Variants in AFF3 observed in about 807,000 individuals in gnomAD.
AFF3 encodes ALF transcription elongation factor 3.
Under a neutral mutation model 129.7 loss-of-function variants are expected in AFF3, and 32 were observed. That is an observed-to-expected ratio of 0.25 (90% CI 0.19 to 0.33). The LOEUF is 0.33. AFF3 is among the 10% of genes least tolerant of loss of function. The probability of loss-of-function intolerance (pLI) is 1.00; values close to 1 mark genes in which losing one functional copy is unlikely to be tolerated. For missense variants in AFF3, 1,373 were observed against 1,592.0 expected, an observed-to-expected ratio of 0.86 and a Z score of 2.34; for synonymous variants, 644 against 635.4, an observed-to-expected ratio of 1.01 and a Z score of -0.20.
intron 7 of AFF3, among the ~76,000 whole-genome samples, chr2:99,978,290 G>A (rs1036359474): frequency 1.3e-5 from 2 of 152,144 alleles, no homozygotes; most frequent in Non-Finnish European, 2.9e-5. Context: ...GTGAGTGCCT[G>A]TTGTAAAGCT....
At chr2:99,926,376 G>T (rs1696240641) in intron 7 of AFF3, among the ~76,000 whole-genome samples, 1 of 152,168 alleles carries the variant, frequency 6.6e-6, no homozygotes, top group Non-Finnish European at 1.5e-5. Context: ...CCTACAGTCA[G>T]GCACTGGTTC....
At chr2:99,867,071 C>G (rs1378522775) in intron 7 of AFF3, among the ~76,000 whole-genome samples, 1 of 150,638 alleles carries the variant, frequency 6.6e-6, no homozygotes, top group African/African-American at 2.4e-5. Flanking sequence ...TATAGGTGGG[C>G]CCTGCCTCAC....
At chr2:99,719,570 T>C (rs1678701396) in intron 11 of AFF3, among the ~76,000 whole-genome samples, 1 of 152,194 alleles carries the variant, frequency 6.6e-6, no homozygotes, top group South Asian at 2.1e-4. Context: ...AAATATATCT[T>C]AAAGTTTTCA....
intron 7 of AFF3, among the ~76,000 whole-genome samples, chr2:99,961,291 A>C (rs1341877498): frequency 6.6e-6 from 1 of 152,166 alleles, no homozygotes; most frequent in African/African-American, 2.4e-5. Context: ...GGCCTCTTTC[A>C]TGTGAAGATC....
At chr2:99,829,477 T>C (rs928830815) in intron 8 of AFF3, among the ~76,000 whole-genome samples, 1 of 152,156 alleles carries the variant, frequency 6.6e-6, no homozygotes, top group African/African-American at 2.4e-5. Flanking sequence ...GCGAAGGATA[T>C]GAACAGACAC....
At chr2:100,062,471 C>A (rs778731585) in intron 4 of AFF3, among the ~76,000 whole-genome samples, 1 of 152,110 alleles carries the variant, frequency 6.6e-6, no homozygotes, top group Non-Finnish European at 1.5e-5. Context: ...AACCAAAAAT[C>A]CCTGGGCAGT....
chr2:99,900,945 C>T (rs1248307597), intron 7 of AFF3, among the ~76,000 whole-genome samples: 1 of 152,212 alleles, frequency 6.6e-6, no homozygotes, highest in Non-Finnish European at 1.5e-5. Context: ...CCTCCTTCTC[C>T]TAAAGAGCCG....
At chr2:99,570,673 G>A (rs557137909) in intron 18 of AFF3, among the ~76,000 whole-genome samples, 4 of 152,210 alleles carry the variant, frequency 2.6e-5, no homozygotes, top group Admixed American at 1.3e-4. Context: ...CAGGGTCTAC[G>A]AGATAAAATC....
intron 7 of AFF3, among the ~76,000 whole-genome samples, chr2:99,914,130 C>T (rs1386718484): frequency 6.6e-6 from 1 of 152,096 alleles, no homozygotes; most frequent in Non-Finnish European, 1.5e-5. Context: ...TTGGCAGATA[C>T]CCTCTTAACC....
rs182771741 is a variant in AFF3, at chr2:100,116,474, A to G, written c.-144-10891T>C. ...TATTTGAGTATACTTTTATTGTCCT[A>G]TGTTCCTTCTCTATTACCTTGGAAC... On this transcript the variant is annotated intron_variant, in intron 2 of 24. Transcript: ENST00000672756. 3.3e-5 allele frequency among the ~76,000 whole-genome samples: 5 copies of G among 152,190 alleles called. No homozygotes were observed. The East Asian group carries it at 7.7e-4, about 24-fold the overall frequency.
intron 4 of AFF3, among the ~76,000 whole-genome samples, chr2:100,096,204 G>A (rs1319498230): frequency 1.3e-5 from 2 of 152,044 alleles, no homozygotes; most frequent in African/African-American, 4.8e-5. Context: ...AAAAGTGTCT[G>A]TAAGACTATA....
chr2:99,692,998 C>T (rs12465743), intron 11 of AFF3, among the ~76,000 whole-genome samples: 1 of 152,252 alleles, frequency 6.6e-6, no homozygotes. Context: ...GCCTCGCCCT[C>T]TGCAGGGCAA....
intron 4 of AFF3, among the ~76,000 whole-genome samples, chr2:100,071,488 AC>A (rs1222450309): frequency 1.3e-5 from 2 of 152,106 alleles, no homozygotes; most frequent in Non-Finnish European, 2.9e-5. Context: ...GATCTGAAAA[AC>A]ACACAAAGCA....
chr2:100,104,717 G>A (rs1339013945), intron 3 of AFF3, 199 bp from the exon 4 acceptor site: 18 of 954,888 alleles, frequency 1.9e-5, no homozygotes, highest in Non-Finnish European at 2.1e-5. Flanking sequence ...CAGCGAGCTC[G>A]CCGCGCCGCC....
intron 12 of AFF3, among the ~76,000 whole-genome samples, chr2:99,660,497 G>A (rs958572653): frequency 6.6e-6 from 1 of 152,182 alleles, no homozygotes; most frequent in Non-Finnish European, 1.5e-5. Flanking sequence ...TTCTGAATGT[G>A]TTATTATTGT....
chr2:99,988,576 A>G (rs574276223), intron 7 of AFF3, among the ~76,000 whole-genome samples: 5 of 152,348 alleles, frequency 3.3e-5, no homozygotes, highest in African/African-American at 1.2e-4. Flanking sequence ...AGCAAAAACA[A>G]AAAACCATTT....
intron 13 of AFF3, among the ~76,000 whole-genome samples, chr2:99,627,361 C>T (rs543822729): frequency 3.5e-4 from 53 of 151,894 alleles, no homozygotes; most frequent in Non-Finnish European, 6.8e-4. Flanking sequence ...GCTTGTTGGC[C>T]GCATGTATGT....
intron 4 of AFF3, among the ~76,000 whole-genome samples, chr2:100,018,044 A>G (rs1683283368): frequency 6.6e-6 from 1 of 151,898 alleles, no homozygotes; most frequent in Non-Finnish European, 1.5e-5. Flanking sequence ...ATATATATAT[A>G]TAGGCTAATT....
intron 7 of AFF3, among the ~76,000 whole-genome samples, chr2:99,959,669 A>G (rs1677033925): frequency 6.7e-6 from 1 of 148,794 alleles, no homozygotes; most frequent in Non-Finnish European, 1.5e-5. Flanking sequence ...GGAAACATGA[A>G]CTTACATTTT....
Sources: gnomAD v4.1 joint callset for allele counts (sites outside exome capture counted in the v4.1 genomes callset) on GRCh38, gnomAD v4.1.1 for gene constraint, MANE v1.5 for transcripts, NCBI Gene and HGNC (gene_info 2026-07-23, HGNC 2026-07-21) for gene names.